SP4: variants seen among roughly 807,000 people sequenced by gnomAD.
The protein encoded by SP4 is Sp4 transcription factor.
SP4 carries 19 observed loss-of-function variants against 72.8 expected under a neutral mutation model. The ratio of observed to expected loss-of-function variants is 0.26; its 90% CI spans 0.18 to 0.38. The LOEUF (loss-of-function observed/expected upper bound fraction) is 0.38, where lower values mean the gene tolerates loss of function less well. SP4 is among the 10% of genes least tolerant of loss of function. SP4 has a pLI of 1.00. For missense variants in SP4, 1,008 were observed against 926.3 expected (o/e 1.09, Z -1.14); for synonymous variants, 395 against 333.1 (o/e 1.19, Z -2.02).
At chr7:21,507,667 C>T (rs764241156) in intron 5 of SP4, among the ~76,000 whole-genome samples, 2 of 152,132 alleles carry the variant, frequency 1.3e-5, no homozygotes, top group African/African-American at 4.8e-5. Flanking sequence ...TTTATCTGAG[C>T]CAAACTTAGG....
intron 5 of SP4, among the ~76,000 whole-genome samples, chr7:21,485,842 A>G (rs1006323295): frequency 2.0e-5 from 3 of 152,002 alleles, no homozygotes; most frequent in African/African-American, 7.2e-5. Context: ...TCTAATGAAC[A>G]TGAACAGTTT....
At chr7:21,443,954 G>C (rs914270530) in intron 3 of SP4, among the ~76,000 whole-genome samples, 11 of 152,150 alleles carry the variant, frequency 7.2e-5, no homozygotes, top group Non-Finnish European at 1.3e-4. Flanking sequence ...TATTATTTCT[G>C]ATTTTGTTAG....
intron 3 of SP4, among the ~76,000 whole-genome samples, chr7:21,467,368 A>T (rs1204449535): frequency 6.6e-6 from 1 of 152,156 alleles, no homozygotes; most frequent in East Asian, 1.9e-4. Flanking sequence ...ATTTATATAT[A>T]TCCATACCAT....
At chr7:21,471,069 G>A (rs1164945244) in intron 3 of SP4, 3 of 534,644 alleles carry the variant, frequency 5.6e-6, no homozygotes, top group East Asian at 1.1e-4. Flanking sequence ...TTATTCAAAT[G>A]CTCGGAGACA....
At chr7:21,510,019 TG>T (rs1479232367) in intron 5 of SP4, among the ~76,000 whole-genome samples, 2 of 152,164 alleles carry the variant, frequency 1.3e-5, no homozygotes, top group Non-Finnish European at 2.9e-5. Context: ...CAGAAATCCC[TG>T]ATAAAACTAT....
chr7:21,467,797 C>A (rs767061030), intron 3 of SP4, among the ~76,000 whole-genome samples: 3 of 152,032 alleles, frequency 2.0e-5, no homozygotes, highest in East Asian at 3.9e-4. Context: ...AATCCCACTG[C>A]CCCCCATGGC....
At position 21,428,300 on chromosome 7, in the gene SP4, C is replaced by G. The variant is rs1227718767; in HGVS notation, c.7+42C>G. Reference sequence around the variant, plus strand: ...CCCCTCAGTCTCCTTCGCCGCCTCCCTCTCTCCCTCCCTCCCCAGACCCTG... The same window carrying G: ...CCCCTCAGTCTCCTTCGCCGCCTCCGTCTCTCCCTCCCTCCCCAGACCCTG... On this transcript the variant is annotated intron_variant, in intron 1 of 5. Transcript: ENST00000222584. The G allele has an allele frequency of 7.8e-6, 9 of 1,149,166 alleles. No homozygotes were observed. The East Asian group carries it at 2.0e-4, about 26-fold the overall frequency. The allele number at this position is 1,149,166 out of a possible 1,614,324, so 71.2% of individuals were successfully genotyped here.
chr7:21,438,058 A>G (rs959494722), intron 3 of SP4, among the ~76,000 whole-genome samples: 18 of 151,714 alleles, frequency 1.2e-4, no homozygotes, highest in African/African-American at 4.1e-4. Context: ...CTGGAAAAAC[A>G]TATGTATATG....
intron 3 of SP4, among the ~76,000 whole-genome samples, chr7:21,431,295 G>A (rs1349385505): frequency 6.6e-6 from 1 of 152,008 alleles, no homozygotes; most frequent in Non-Finnish European, 1.5e-5. Flanking sequence ...TTTTTTTAGT[G>A]GAAGTTATTT....
At chr7:21,483,041 G>A (rs1784728674) in intron 5 of SP4, among the ~76,000 whole-genome samples, 1 of 152,086 alleles carries the variant, frequency 6.6e-6, no homozygotes, top group South Asian at 2.1e-4. Context: ...AATGGCTAAA[G>A]AGTCTCTACA....
At chr7:21,499,822 G>T (rs55840028) in intron 5 of SP4, among the ~76,000 whole-genome samples, 1 of 152,094 alleles carries the variant, frequency 6.6e-6, no homozygotes, top group Admixed American at 6.5e-5. Context: ...TTCATACATT[G>T]TCATAGCTTA....
chr7:21,446,445 T>G (rs1247981458), intron 3 of SP4, among the ~76,000 whole-genome samples: 1 of 151,780 alleles, frequency 6.6e-6, no homozygotes. Flanking sequence ...TATGACATAT[T>G]TAAAAAAAAA....
intron 5 of SP4, among the ~76,000 whole-genome samples, chr7:21,494,024 A>C (rs947338610): frequency 2.0e-5 from 3 of 152,232 alleles, no homozygotes; most frequent in African/African-American, 7.2e-5. Flanking sequence ...ATTCACTAAT[A>C]ATGACAAAAG....
At chr7:21,467,821 T>C (rs973076597) in intron 3 of SP4, among the ~76,000 whole-genome samples, 10 of 149,938 alleles carry the variant, frequency 6.7e-5, no homozygotes, top group Admixed American at 6.0e-4. Flanking sequence ...TTTTGTATCA[T>C]AGAAATCAAC....
At chr7:21,461,138 G>C (rs951444503) in intron 3 of SP4, among the ~76,000 whole-genome samples, 4 of 152,244 alleles carry the variant, frequency 2.6e-5, no homozygotes, top group African/African-American at 7.2e-5. Context: ...GCTTCACCCA[G>C]TGGATTTCGC....
chr7:21,429,244 CTTT>C (rs376953570), intron 2 of SP4, 42 bp from the exon 3 acceptor site: 7 of 1,147,430 alleles, frequency 6.1e-6, no homozygotes, highest in Admixed American at 5.1e-5. Context: ...AATCCGCCCA[CTTT>C]TTTTCCCCCC....
chr7:21,459,361 C>T (rs987262398), intron 3 of SP4, among the ~76,000 whole-genome samples: 1 of 152,162 alleles, frequency 6.6e-6, no homozygotes, highest in African/African-American at 2.4e-5. Context: ...CCTTGTGATC[C>T]ACCTGCCTCA....
chr7:21,494,366 G>C (rs1184417700), intron 5 of SP4, among the ~76,000 whole-genome samples: 1 of 152,150 alleles, frequency 6.6e-6, no homozygotes. Context: ...CAGACACCAG[G>C]TTGTCTGTAT....
At chr7:21,498,745 G>A (rs912336585) in intron 5 of SP4, among the ~76,000 whole-genome samples, 3 of 152,132 alleles carry the variant, frequency 2.0e-5, no homozygotes, top group Non-Finnish European at 4.4e-5. Context: ...CACGTATTTT[G>A]CATGTTATAT....
Sources: allele counts gnomAD v4.1 joint callset (sites outside exome capture counted in the v4.1 genomes callset), GRCh38; gene constraint gnomAD v4.1.1; transcripts MANE v1.5; gene names NCBI Gene and HGNC (gene_info 2026-07-23, HGNC 2026-07-21).